Variants in STRA6 observed in about 807,000 individuals in gnomAD.
STRA6 encodes the protein signaling receptor and transporter of retinol STRA6, also known as receptor for retinol uptake STRA6.
Under a neutral mutation model 83.6 loss-of-function variants are expected in STRA6, and 48 were observed. That is an observed-to-expected ratio of 0.57 (90% CI 0.46 to 0.73). STRA6 has a LOEUF of 0.73. STRA6 is among the 30% of genes least tolerant of loss of function. The probability of loss-of-function intolerance (pLI) is 0.00; values close to 1 mark genes in which losing one functional copy is unlikely to be tolerated. For synonymous variants in STRA6, 353 were observed against 362.3 expected (o/e 0.97, Z 0.29); for missense variants, 760 against 838.8 (o/e 0.91, Z 1.16).
At chr15:74,196,588 C>T (rs545444974) in intron 4 of STRA6, among the ~76,000 whole-genome samples, 1 of 152,234 alleles carries the variant, frequency 6.6e-6, no homozygotes, top group Non-Finnish European at 1.5e-5. Flanking sequence ...GGGCTCAGGG[C>T]AAGCCACTCA....
rs754849860 is a variant in STRA6, at chr15:74,181,447, T to C, written c.1532A>G (p.Tyr511Cys). The C allele has an allele frequency of 2.2e-5, 36 of 1,613,528 alleles. No homozygotes were observed. Among genetic ancestry groups the C allele is most frequent in the African/African-American group, 1.3e-5 (1 of 74,828 alleles). The change falls in exon 17 of 19, where the codon TAT (tyrosine) becomes TGT (cysteine). Residue 511 changes from tyrosine (Y) to cysteine (C), a missense_variant. By Grantham distance (194) the Tyr-to-Cys change is radical. Transcript: ENST00000395105. ...GGGGAAGAGAAGAAAGGTGGCTGCA[T>C]AGAGCACTCGCCTAGGATGGGAGAA... Reference protein sequence around the residue: ...HPQLTNRRVLYAATFLLFPLN... With the variant: ...HPQLTNRRVLCAATFLLFPLN...
intron 17 of STRA6, 97 bp from the exon 18 acceptor site, chr15:74,181,034 C>G (rs536987107): frequency 6.5e-7 from 1 of 1,527,166 alleles, no homozygotes; most frequent in African/African-American, 1.4e-5. Context: ...TGCACGTGCA[C>G]TCCCTGCATC....
intron 4 of STRA6, 118 bp downstream of exon 4, chr15:74,197,220 A>G: frequency 2.7e-6 from 2 of 729,712 alleles, no homozygotes; most frequent in South Asian, 3.3e-5. Flanking sequence ...GCTGAGGGCG[A>G]TAGGGATGTC....
intron 13 of STRA6, 109 bp from the exon 14 acceptor site, chr15:74,184,098 C>A (rs1595827924): frequency 1.3e-6 from 2 of 1,514,080 alleles, no homozygotes; most frequent in East Asian, 2.4e-5. Context: ...CAACTCACAG[C>A]CATCAGCAGG....
At chr15:74,180,277 CA>C (rs1294711258) in intron 18 of STRA6, 34 bp from the exon 19 acceptor site, 1 of 1,613,590 alleles carries the variant, frequency 6.2e-7, no homozygotes, top group Non-Finnish European at 8.5e-7. Context: ...AGTCACTCAG[CA>C]AACACCCAGC....
At chr15:74,202,690 C>T in intron 1 of STRA6, 23 bp downstream of exon 1, 1 of 1,361,134 alleles carries the variant, frequency 7.3e-7, no homozygotes, top group South Asian at 2.0e-5. Flanking sequence ...CCCAAGCCCA[C>T]CTAGACAGAC....
intron 11 of STRA6, 129 bp from the exon 12 acceptor site, chr15:74,189,406 T>C (rs2073420733): frequency 4.4e-6 from 6 of 1,357,098 alleles, no homozygotes; most frequent in Non-Finnish European, 6.1e-6. Flanking sequence ...AGTGTTCTTA[T>C]CTGCCCCTTA....
chr15:74,211,172 CA>C (rs2074363661), upstream of STRA6, among the ~76,000 whole-genome samples: 1 of 151,930 alleles, frequency 6.6e-6, no homozygotes, highest in Non-Finnish European at 1.5e-5. Flanking sequence ...CACACACACA[CA>C]CACACACACC....
chr15:74,202,339 A>G, intron 1 of STRA6, 57 bp from the exon 2 acceptor site: 1 of 1,573,414 alleles, frequency 6.4e-7, no homozygotes, highest in Non-Finnish European at 8.6e-7. Flanking sequence ...AGAGGCTTAA[A>G]AGAGAAAAAA....
intron 8 of STRA6, among the ~76,000 whole-genome samples, chr15:74,192,690 C>T (rs2073606447): frequency 6.6e-6 from 1 of 152,212 alleles, no homozygotes; most frequent in African/African-American, 2.4e-5. Flanking sequence ...TGCCTCCCAT[C>T]AAGCCTTTCC....
upstream of STRA6, among the ~76,000 whole-genome samples, chr15:74,203,841 C>G (rs1389385500): frequency 3.9e-5 from 6 of 152,028 alleles, no homozygotes; most frequent in Non-Finnish European, 8.8e-5. Flanking sequence ...AAGAAAAGAA[C>G]CTTTCCGTGG....
Position 74,197,783 on chromosome 15 carries a change from C to T in STRA6, c.149G>A (p.Gly50Asp). The T allele has an allele frequency of 6.2e-7, 1 of 1,613,646 alleles. No homozygotes were observed. Among genetic ancestry groups the T allele is most frequent in the Admixed American group, 1.7e-5 (1 of 60,024 alleles). Reference protein sequence around the residue: ...VPSCHTSIPPGLYHACLASLS... With the variant: ...VPSCHTSIPPDLYHACLASLS... Reference sequence around the variant, plus strand: ...CGAGGCCAGGCAGGCGTGGTACAGGCCGGGTGGTATGCTGGTGTGGCAGGA... The same window carrying T: ...CGAGGCCAGGCAGGCGTGGTACAGGTCGGGTGGTATGCTGGTGTGGCAGGA... The change falls in exon 3 of 19, where the codon GGC (glycine) becomes GAC (aspartate). Residue 50 changes from glycine to aspartate, a missense_variant. Gly to Asp is a moderately conservative substitution (Grantham distance 94, BLOSUM62 -1). Transcript: ENST00000395105.
chr15:74,189,391 C>T, intron 11 of STRA6, 114 bp from the exon 12 acceptor site: 1 of 1,439,948 alleles, frequency 6.9e-7, no homozygotes, highest in Non-Finnish European at 9.4e-7. Context: ...TGCCCATTGC[C>T]CATCAGTGTT....
rs2072876624 is a variant in STRA6, at chr15:74,179,564, A to C, written c.*516T>G. On this transcript the variant is annotated 3_prime_UTR_variant, in exon 19 of 19. Coordinates refer to ENST00000395105, the MANE Select transcript of STRA6 (RefSeq NM_022369.4). ...AAATATCTGGCTCTCGAGTGTGGGCAGCTCAGTGTGGGACCTGGTCTGAGT... is the reference window on the plus strand; with the variant it reads ...AAATATCTGGCTCTCGAGTGTGGGCCGCTCAGTGTGGGACCTGGTCTGAGT... 6.5e-6 allele frequency: 1 copy of C among 154,940 alleles called. No homozygotes were observed. Among genetic ancestry groups the C allele is most frequent in the Admixed American group, 6.4e-5 (1 of 15,656 alleles). 9.6% of individuals were successfully genotyped at this position (154,940 alleles called of 1,614,324 possible).
Position 74,190,920 on chromosome 15 carries a change from G to A in STRA6, c.866-19C>T, listed in dbSNP as rs1192828017. 6.2e-7 allele frequency: 1 copy of A among 1,613,996 alleles called. No individual in the cohort carries two copies. Among genetic ancestry groups the A allele is most frequent in the Non-Finnish European group, 8.5e-7 (1 of 1,180,026 alleles). On this transcript the variant is annotated intron_variant, in intron 10 of 18. Transcript: ENST00000395105. ...TGGAATCCTGTAGTCCTCAAAGGAAGGAGTATGGTGAACAGCACCACTCAG... is the reference window on the plus strand; with the variant it reads ...TGGAATCCTGTAGTCCTCAAAGGAAAGAGTATGGTGAACAGCACCACTCAG...
intron 2 of STRA6, among the ~76,000 whole-genome samples, chr15:74,199,808 T>C (rs1357001040): frequency 6.6e-6 from 1 of 152,136 alleles, no homozygotes; most frequent in Non-Finnish European, 1.5e-5. Flanking sequence ...GGCACAGACA[T>C]AAAGACCTTG....
chr15:74,180,646 G>T (rs1473416646), intron 18 of STRA6, 136 bp downstream of exon 18: 2 of 1,277,796 alleles, frequency 1.6e-6, no homozygotes, highest in African/African-American at 1.5e-5. Flanking sequence ...ACCAGGAGGG[G>T]TGACCAAAGG....
intron 16 of STRA6, 81 bp downstream of exon 16, chr15:74,182,080 T>A (rs553511948): frequency 2.5e-6 from 3 of 1,204,496 alleles, no homozygotes. Flanking sequence ...TAGATGGCAG[T>A]GGAGGGAGGA....
Position 74,181,355 on chromosome 15 carries a change from T to C in STRA6, c.1624A>G (p.Ile542Val), listed in dbSNP as rs141168559. ...RVLLSALYNA[I>V]HLGQMDLSLL... ...CTGAGGTCCATCTGGCCAAGGTGGA[T>C]GGCGTTGTAGAGGGCAGAGAGGAGC... is the stretch of plus-strand genomic sequence containing the variant. The change falls in exon 17 of 19, where the codon ATC (isoleucine) becomes GTC (valine). Residue 542 changes from isoleucine to valine, a missense_variant. Physicochemically the swap from Ile to Val is conservative, Grantham distance 29. Coordinates refer to ENST00000395105, the MANE Select transcript of STRA6 (RefSeq NM_022369.4). 4.3e-6 allele frequency: 7 copies of C among 1,612,898 alleles called. No homozygotes were observed. Among genetic ancestry groups the C allele is most frequent in the Non-Finnish European group, 5.9e-6 (7 of 1,179,766 alleles).
Sources: gnomAD v4.1 joint callset for allele counts (sites outside exome capture counted in the v4.1 genomes callset) on GRCh38, gnomAD v4.1.1 for gene constraint, MANE v1.5 for transcripts, NCBI Gene and HGNC (gene_info 2026-07-23, HGNC 2026-07-21) for gene names.